Variants in GRIN2B observed in about 807,000 individuals in gnomAD.
GRIN2B encodes glutamate ionotropic receptor NMDA type subunit 2B.
Under a neutral mutation model 114.5 loss-of-function variants are expected in GRIN2B, and 5 were observed. That is an observed-to-expected ratio of 0.04 (90% CI 0.02 to 0.09). GRIN2B has a LOEUF of 0.09. Among genes scored for constraint, GRIN2B ranks in the 10% least tolerant of loss-of-function variants. The probability of loss-of-function intolerance (pLI) is 1.00; values close to 1 mark genes in which losing one functional copy is unlikely to be tolerated. For synonymous variants in GRIN2B, 787 were observed against 745.1 expected (o/e 1.06, Z -0.92); for missense variants, 1,108 against 1,943.5 (o/e 0.57, Z 8.08).
At position 13,832,412 on chromosome 12, in the gene GRIN2B, A is replaced by G. The variant is rs375166065; in HGVS notation, c.411+33386T>C. Reference sequence around the variant, plus strand: ...TCAAACATAGTATTCGAGAGTGTACACCTTCCACACTACTACTGAATAAAA... The same window carrying G: ...TCAAACATAGTATTCGAGAGTGTACGCCTTCCACACTACTACTGAATAAAA... On this transcript the variant is annotated intron_variant, in intron 3 of 13. Transcript: ENST00000609686. Among the ~76,000 whole-genome samples, 131 of 152,214 alleles carry G rather than the reference A, an allele frequency of 8.6e-4. 4 individuals carry two copies. The South Asian group carries it at 0.027, about 31-fold the overall frequency.
rs77604949 is a variant in GRIN2B at position 13,845,595 on chromosome 12, C to A, written c.411+20203G>T. Reference sequence around the variant, plus strand: ...GAGAGAATTGAGATGTGGCCTCAGGCAAGTCACTTAATCTTTCTTGGCCTC... The same window carrying A: ...GAGAGAATTGAGATGTGGCCTCAGGAAAGTCACTTAATCTTTCTTGGCCTC... On this transcript the variant is annotated intron_variant, in intron 3 of 13. Transcript: ENST00000609686. 8.0e-3 allele frequency among the ~76,000 whole-genome samples: 1,216 copies of A among 152,282 alleles called. 14 individuals carry two copies. Among genetic ancestry groups the A allele is most frequent in the African/African-American group, 0.027 (1,120 of 41,568 alleles).
In GRIN2B at chr12:13,742,453, CAG is replaced by C. The variant is rs1487918870; in HGVS notation, c.1010+10862_1010+10863del. On this transcript the variant is annotated intron_variant, in intron 4 of 13. Coordinates refer to ENST00000609686, the MANE Select transcript of GRIN2B (RefSeq NM_000834.5). ...GAACTTTGTTTTTTTGTTTTTGAGA[CAG>C]AGTCTCGCCCTGTTGCCGAGGCTGG... Among the ~76,000 whole-genome samples, 23 of 152,282 alleles carry C rather than the reference CAG, an allele frequency of 1.5e-4. No individual in the cohort carries two copies. In the East Asian group the frequency reaches 3.7e-3, roughly 24 times the overall value.
At chr12:13,780,996 G>A (rs551313866) in intron 3 of GRIN2B, among the ~76,000 whole-genome samples, 4 of 152,192 alleles carry the variant, frequency 2.6e-5, no homozygotes, top group Admixed American at 1.3e-4. Context: ...CACAGATGTA[G>A]ACCAATATTC....
Position 13,590,177 on chromosome 12 carries a change from T to C in GRIN2B, c.2011-18213A>G, listed in dbSNP as rs116578055. The stretch of plus-strand genomic sequence containing the variant: ...GAACAGAAAATTCTTTGGCAATATA[T>C]GCCATGCAAGCAGGGAAGGCCTTAA... On this transcript the variant is annotated intron_variant, in intron 10 of 13. Coordinates refer to ENST00000609686, the MANE Select transcript of GRIN2B (RefSeq NM_000834.5). 1.1e-3 allele frequency among the ~76,000 whole-genome samples: 175 copies of C among 152,218 alleles called. 1 individual carries two copies. Among genetic ancestry groups the C allele is most frequent in the African/African-American group, 3.8e-3 (159 of 41,522 alleles).
Position 13,879,518 on chromosome 12 carries a change from T to TAA in GRIN2B, c.-18-13294_-18-13293dup, listed in dbSNP as rs55823008. Among the ~76,000 whole-genome samples the TAA allele has an allele frequency of 5.5e-3, 775 of 139,854 alleles. 3 individuals carry two copies. The highest frequency in any genetic ancestry group is 0.015 in the Middle Eastern group (4 of 266). 91.7% of individuals were successfully genotyped at this position (139,854 alleles called of 152,430 possible). Reference sequence around the variant, plus strand: ...TATGCAGAAAAGAAATTAGAATTAGTAAAAAAAAAAAAAAATGAGAACTGT... The same window carrying TAA: ...TATGCAGAAAAGAAATTAGAATTAGTAAAAAAAAAAAAAAAAATGAGAACTGT... On this transcript the variant is annotated intron_variant, in intron 2 of 13. Coordinates refer to ENST00000609686, the MANE Select transcript of GRIN2B (RefSeq NM_000834.5).
chr12:13,574,705 T>A (rs1565458993), intron 10 of GRIN2B, among the ~76,000 whole-genome samples: 1 of 152,350 alleles, frequency 6.6e-6, no homozygotes, highest in South Asian at 2.1e-4. Flanking sequence ...TTTTTAGATT[T>A]CTAAATCCTG....
chr12:13,832,331 A>T (rs1444086655), intron 3 of GRIN2B, among the ~76,000 whole-genome samples: 1 of 152,212 alleles, frequency 6.6e-6, no homozygotes, highest in African/African-American at 2.4e-5. Context: ...TCACATCTTC[A>T]TAGTACAAAC....
intron 5 of GRIN2B, among the ~76,000 whole-genome samples, chr12:13,640,963 A>C (rs1429406263): frequency 6.6e-6 from 1 of 152,094 alleles, no homozygotes; most frequent in Non-Finnish European, 1.5e-5. Context: ...TGTGAGAAGA[A>C]CCATTTAGGG....
intron 10 of GRIN2B, among the ~76,000 whole-genome samples, chr12:13,578,653 T>A (rs2136423863): frequency 6.6e-6 from 1 of 152,314 alleles, no homozygotes; most frequent in African/African-American, 2.4e-5. Flanking sequence ...AAAATATTCT[T>A]GCTTTAAGCC....
At chr12:13,975,367 C>T (rs1038505291) in intron 2 of GRIN2B, among the ~76,000 whole-genome samples, 5 of 152,218 alleles carry the variant, frequency 3.3e-5, no homozygotes, top group Non-Finnish European at 4.4e-5. Flanking sequence ...GCAGCACTGA[C>T]GTAGATATTT....
intron 3 of GRIN2B, among the ~76,000 whole-genome samples, chr12:13,797,059 T>C (rs1196138578): frequency 6.6e-6 from 1 of 152,234 alleles, no homozygotes; most frequent in Non-Finnish European, 1.5e-5. Context: ...TTTAGTCCAT[T>C]CAAGCTGCTA....
rs371883358 is a variant in GRIN2B, at chr12:13,717,684, C to T, written c.1010+35633G>A. 1.0e-3 allele frequency among the ~76,000 whole-genome samples: 152 copies of T among 152,010 alleles called. No homozygotes were observed. The South Asian group carries it at 0.022, about 22-fold the overall frequency. ...GTCTTATTTTTAAGGATTACCTATC[C>T]CTTCCCCACCCCCAGAGATCACACT... On this transcript the variant is annotated intron_variant, in intron 4 of 13. Transcript: ENST00000609686.
intron 3 of GRIN2B, among the ~76,000 whole-genome samples, chr12:13,817,974 G>A (rs887576244): frequency 3.3e-5 from 5 of 152,138 alleles, no homozygotes; most frequent in Middle Eastern, 3.4e-3. Flanking sequence ...AATTGTTATC[G>A]TTTTTTTGTT....
At chr12:13,893,957 T>C (rs1866310802) in intron 2 of GRIN2B, among the ~76,000 whole-genome samples, 1 of 151,864 alleles carries the variant, frequency 6.6e-6, no homozygotes, top group Admixed American at 6.6e-5. Context: ...GAAACCACAA[T>C]GAAGAAACCT....
At chr12:13,880,470 C>T (rs1866055075) in intron 2 of GRIN2B, among the ~76,000 whole-genome samples, 1 of 152,116 alleles carries the variant, frequency 6.6e-6, no homozygotes, top group Admixed American at 6.5e-5. Context: ...AACAGATCTC[C>T]CATCGCTAAA....
chr12:13,967,264 C>T (rs763268584), intron 2 of GRIN2B, among the ~76,000 whole-genome samples: 1 of 152,210 alleles, frequency 6.6e-6, no homozygotes. Context: ...GCACCCTTCT[C>T]TTTCTCCACT....
chr12:13,715,207 T>G (rs1950444863), intron 4 of GRIN2B, among the ~76,000 whole-genome samples: 1 of 151,910 alleles, frequency 6.6e-6, no homozygotes, highest in Non-Finnish European at 1.5e-5. Context: ...GGAATAATTA[T>G]TATGTATGTA....
intron 5 of GRIN2B, among the ~76,000 whole-genome samples, chr12:13,639,390 T>C (rs1949692938): frequency 6.6e-6 from 1 of 152,184 alleles, no homozygotes; most frequent in Non-Finnish European, 1.5e-5. Context: ...TCAGTTCTAA[T>C]GCCAGATAAA....
intron 2 of GRIN2B, among the ~76,000 whole-genome samples, chr12:13,871,003 C>T (rs568627294): frequency 3.7e-4 from 56 of 152,098 alleles, no homozygotes; most frequent in Non-Finnish European, 6.3e-4. Context: ...AGTGGTATAA[C>T]ATATAGGTAC....
Sources: gnomAD v4.1 joint callset for allele counts (sites outside exome capture counted in the v4.1 genomes callset) on GRCh38, gnomAD v4.1.1 for gene constraint, MANE v1.5 for transcripts, NCBI Gene and HGNC (gene_info 2026-07-23, HGNC 2026-07-21) for gene names.